The following CNDP2 variants were observed in gnomAD, a reference collection of about 807,000 sequenced individuals.
The protein encoded by CNDP2 is carnosine dipeptidase 2.
In CNDP2, 38 loss-of-function variants were observed where a neutral mutation model predicts 55.0. The ratio of observed to expected loss-of-function variants is 0.69; its 90% CI spans 0.53 to 0.90. The LOEUF is 0.90. Ranked by LOEUF, CNDP2 falls within the 40% of genes least tolerant of loss-of-function variation. CNDP2 has a pLI of 0.00. For missense variants in CNDP2, 607 were observed against 621.7 expected, an observed-to-expected ratio of 0.98 and a Z score of 0.25; for synonymous variants, 241 against 260.2, an observed-to-expected ratio of 0.93 and a Z score of 0.71.
intron 1 of CNDP2, chr18:74,497,609 AC>A (rs1978480860): frequency 1.3e-5 from 2 of 152,186 alleles, no homozygotes; most frequent in South Asian, 4.1e-4. Flanking sequence ...ACACGAGCAA[AC>A]CCCGTCTCTA....
At chr18:74,509,007 A>G in intron 5 of CNDP2, 79 bp downstream of exon 5, 5 of 1,169,814 alleles carry the variant, frequency 4.3e-6, no homozygotes, top group Non-Finnish European at 6.3e-6. Context: ...TGTTCACACA[A>G]CAGCTTATAA....
Position 74,510,833 on chromosome 18 carries a change from A to C in CNDP2, c.477A>C (p.Arg159=). 6.2e-7 allele frequency: 1 copy of C among 1,614,034 alleles called. No individual in the cohort carries two copies. The highest frequency in any genetic ancestry group is 8.5e-7 in the Non-Finnish European group (1 of 1,179,988). ...KTGQEIPVNV[R]FCLEGMEESG... ...CACAGGAGATTCCTGTCAACGTCCG[A>C]TTCTGCCTCGAAGGCATGGAGGAGT... Residue 159 remains arginine (R), a synonymous_variant, in exon 6 of 12, where the codon CGA becomes CGC. Transcript: ENST00000324262.
chr18:74,510,328 T>C (rs1415782015), intron 5 of CNDP2, among the ~76,000 whole-genome samples: 1 of 152,050 alleles, frequency 6.6e-6, no homozygotes, highest in African/African-American at 2.4e-5. Context: ...CCTTTGGGTG[T>C]GGGGGTCAGA....
At position 74,501,457 on chromosome 18, in the gene CNDP2, T is replaced by TATC; in HGVS notation, c.190_192dup (p.Ile64dup). On this transcript the variant is annotated inframe_insertion, in exon 3 of 12. Coordinates refer to ENST00000324262, the MANE Select transcript of CNDP2 (RefSeq NM_018235.3). The stretch of plus-strand genomic sequence containing the variant: ...TGGGGGGCTCTGTGGAACTGGTGGA[T>TATC]ATCGGAAAACAAAAGGTAGGAGGCA... 5 of 1,613,572 alleles carry TATC rather than the reference T, an allele frequency of 3.1e-6. No individual in the cohort carries two copies. The highest frequency in any genetic ancestry group is 4.2e-6 in the Non-Finnish European group (5 of 1,179,758).
At chr18:74,501,134 T>C in intron 2 of CNDP2, 195 bp from the exon 3 acceptor site, 1 of 1,197,554 alleles carries the variant, frequency 8.4e-7, no homozygotes, top group Non-Finnish European at 1.1e-6. Flanking sequence ...AGAGGGTCTC[T>C]CTCTTCCCTC....
intron 2 of CNDP2, 149 bp downstream of exon 2, chr18:74,500,182 G>C (rs1978614164): frequency 1.6e-6 from 1 of 620,072 alleles, no homozygotes; most frequent in African/African-American, 1.9e-5. Flanking sequence ...TCTTATTATG[G>C]CATAGGTTAC....
chr18:74,506,991 GTTCAAACCT>G (rs1979065146), intron 4 of CNDP2: 1 of 152,218 alleles, frequency 6.6e-6, no homozygotes, highest in Non-Finnish European at 1.5e-5. Context: ...TTGCATCTGT[GTTCAAACCT>G]TTCCTGGCCC....
intron 6 of CNDP2, 114 bp from the exon 7 acceptor site, chr18:74,512,334 T>G: frequency 1.0e-6 from 1 of 977,402 alleles, no homozygotes; most frequent in Non-Finnish European, 1.5e-6. Flanking sequence ...GGGAGCAAAT[T>G]TTGATTTGGG....
rs758585376 is a variant in CNDP2 at position 74,518,558 on chromosome 18, G to A, written c.1128G>A (p.Val376=). The A allele has an allele frequency of 4.5e-5, 72 of 1,614,106 alleles. 1 individual carries two copies. The highest frequency in any genetic ancestry group is 5.3e-5 in the Non-Finnish European group (63 of 1,180,044). ...AELRSPNEFK[V]YMGHGGKPWV... ...TACGCAGCCCCAATGAGTTCAAGGTGTACATGGGCCACGGTGGGAAGCCCT... is the reference window on the plus strand; with the variant it reads ...TACGCAGCCCCAATGAGTTCAAGGTATACATGGGCCACGGTGGGAAGCCCT... The change falls in exon 10 of 12, where the codon GTG becomes GTA. Residue 376 remains valine (V), a synonymous_variant. Transcript: ENST00000324262.
chr18:74,520,930 GGAAAT>G lies in CNDP2; in HGVS notation c.*865_*869del, dbSNP rs1342248523. ...ATTGCACATTTGGGATATTTGGAAA[GGAAAT>G]GAGGAAAGAAATTAGGGCCTCCTCT... On this transcript the variant is annotated 3_prime_UTR_variant, in exon 12 of 12. Coordinates refer to ENST00000324262, the MANE Select transcript of CNDP2 (RefSeq NM_018235.3). 1 of 152,230 alleles carries G rather than the reference GGAAAT, an allele frequency of 6.6e-6. No homozygotes were observed. Among genetic ancestry groups the G allele is most frequent in the African/African-American group, 2.4e-5 (1 of 41,450 alleles). The allele number at this position is 152,230 out of a possible 1,614,324, so 9.4% of individuals were successfully genotyped here.
chr18:74,506,868 A>G (rs1034822856), intron 4 of CNDP2, among the ~76,000 whole-genome samples: 2 of 152,006 alleles, frequency 1.3e-5, no homozygotes, highest in African/African-American at 4.8e-5. Context: ...CTGAATTTCC[A>G]CATGTGCCTG....
rs545477983 is a variant in CNDP2, at chr18:74,519,057, C to A, written c.1319C>A (p.Ala440Glu). The change falls in exon 11 of 12, where the codon GCG becomes GAG. Residue 440 changes from alanine to glutamate, a missense_variant. Ala to Glu is a moderately radical substitution (Grantham distance 107). Transcript: ENST00000324262. ...KNVMLLPVGS[A>E]DDGAHSQNEK... ...GTCATGCTGCTGCCTGTGGGGTCAG[C>A]GGATGACGGAGCCCACTCCCAGAAT... 1 of 1,612,594 alleles carries A rather than the reference C, an allele frequency of 6.2e-7. No individual in the cohort carries two copies. The highest frequency in any genetic ancestry group is 1.1e-5 in the South Asian group (1 of 91,018).
intron 6 of CNDP2, chr18:74,512,098 G>T (rs1012512118): frequency 3.4e-4 from 71 of 209,340 alleles, no homozygotes; most frequent in Admixed American, 1.7e-4. Context: ...CTCCAGGCTT[G>T]TGGTGGGTCT....
intron 3 of CNDP2, among the ~76,000 whole-genome samples, chr18:74,503,537 G>A (rs980325440): frequency 2.0e-5 from 3 of 152,254 alleles, no homozygotes; most frequent in Non-Finnish European, 4.4e-5. Flanking sequence ...CTCAGAAAAT[G>A]CCTAAGTATT....
chr18:74,502,562 C>T (rs1455109740), intron 3 of CNDP2, among the ~76,000 whole-genome samples: 1 of 151,668 alleles, frequency 6.6e-6, no homozygotes, highest in South Asian at 2.1e-4. Context: ...CTTGGCATCC[C>T]AAATTGTCAC....
In CNDP2 at chr18:74,520,225, C is replaced by T. The variant is rs752953490; in HGVS notation, c.*157C>T. On this transcript the variant is annotated 3_prime_UTR_variant, in exon 12 of 12. Coordinates refer to ENST00000324262, the MANE Select transcript of CNDP2 (RefSeq NM_018235.3). ...ACAGACACAAGTGTATCCAGCTGTC[C>T]ACGGGTGGAGCTACCCGTTGGGCTT... The T allele has an allele frequency of 1.5e-6, 1 of 673,744 alleles. No homozygotes were observed. The highest frequency in any genetic ancestry group is 2.5e-6 in the Non-Finnish European group (1 of 394,098). 41.7% of individuals were successfully genotyped at this position (673,744 alleles called of 1,614,324 possible). A position where few individuals can be genotyped will look rare whatever the true frequency, so the allele number is the denominator to read the frequency against.
rs149733228 is a variant in CNDP2, at chr18:74,512,508, A to G, written c.718A>G (p.Met240Val). 6.2e-7 allele frequency: 1 copy of G among 1,613,966 alleles called. No individual in the cohort carries two copies. Among genetic ancestry groups the G allele is most frequent in the African/African-American group, 1.3e-5 (1 of 75,030 alleles). The change falls in exon 7 of 12, where the codon ATG (methionine) becomes GTG (valine). Residue 240 changes from methionine to valine, a missense_variant. Physicochemically the swap from Met to Val is conservative, Grantham distance 21 (BLOSUM62 1). Coordinates refer to ENST00000324262, the MANE Select transcript of CNDP2 (RefSeq NM_018235.3). ...GVYGGSVHEA[M>V]TDLILLMGSL... ...GTACGGGGGCTCGGTGCATGAGGCC[A>G]TGACTGATCTCATTTTGCTGATGGG...
chr18:74,504,827 A>G (rs1425054992), intron 3 of CNDP2: 1 of 152,246 alleles, frequency 6.6e-6, no homozygotes, highest in African/African-American at 2.4e-5. Context: ...GAATATAGGC[A>G]CTGGTAGAGG....
intron 3 of CNDP2, among the ~76,000 whole-genome samples, chr18:74,501,729 T>C (rs1367452736): frequency 6.6e-6 from 1 of 152,128 alleles, no homozygotes; most frequent in Non-Finnish European, 1.5e-5. Context: ...TAAGTTAATG[T>C]AACAGTCATT....
Sources: allele counts gnomAD v4.1 joint callset (sites outside exome capture counted in the v4.1 genomes callset), GRCh38; gene constraint gnomAD v4.1.1; transcripts MANE v1.5; gene names NCBI Gene and HGNC (gene_info 2026-07-23, HGNC 2026-07-21).